Variants in THOC1 observed in about 807,000 individuals in gnomAD.
THOC1 encodes THO complex 1.
THOC1 carries 29 observed loss-of-function variants against 97.3 expected under a neutral mutation model. The ratio of observed to expected loss-of-function variants is 0.30; its 90% CI spans 0.22 to 0.41. The LOEUF is 0.41. Ranked by LOEUF, THOC1 falls within the 10% of genes least tolerant of loss-of-function variation. The probability of loss-of-function intolerance (pLI) is 1.00; values close to 1 mark genes in which losing one functional copy is unlikely to be tolerated. For missense variants in THOC1, 529 were observed against 761.9 expected, an observed-to-expected ratio of 0.69 and a Z score of 3.60; for synonymous variants, 255 against 257.0, an observed-to-expected ratio of 0.99 and a Z score of 0.07.
At chr18:228,339 T>C (rs549926893) in intron 11 of THOC1, among the ~76,000 whole-genome samples, 2 of 152,316 alleles carry the variant, frequency 1.3e-5, no homozygotes, top group Admixed American at 6.5e-5. Flanking sequence ...TTTAAGGCCC[T>C]TGACCCGTCT....
Position 259,148 on chromosome 18 carries a change from G to A in THOC1, c.520+32C>T, listed in dbSNP as rs3744970. 0.024 allele frequency: 35,363 copies of A among 1,500,100 alleles called. 3,703 individuals carry two copies. The East Asian group carries it at 0.36, about 15-fold the overall frequency. The allele number at this position is 1,500,100 out of a possible 1,614,324, so 92.9% of individuals were successfully genotyped here. On this transcript the variant is annotated intron_variant, in intron 7 of 20. Transcript: ENST00000261600. ...ATTAAAAACTGGAAAAGATTTTCCT[G>A]CAGAAAACTCATTTAATGCATAAAA...
intron 4 of THOC1, among the ~76,000 whole-genome samples, chr18:262,469 C>G (rs1221172492): frequency 6.6e-6 from 1 of 152,232 alleles, no homozygotes; most frequent in Non-Finnish European, 1.5e-5. Context: ...TATGCCTTTA[C>G]AGTTTAAGCT....
rs536930468 is a variant in THOC1 at position 258,207 on chromosome 18, C to T, written c.520+973G>A. On this transcript the variant is annotated intron_variant, in intron 7 of 20. Coordinates refer to ENST00000261600, the MANE Select transcript of THOC1 (RefSeq NM_005131.3). ...AGAAGACAAAGTAAAGATTATTTCC[C>T]GTGAGATGAAATCCTGTATCTAGTG... is the stretch of plus-strand genomic sequence containing the variant. 7.9e-5 allele frequency among the ~76,000 whole-genome samples: 12 copies of T among 151,578 alleles called. No individual in the cohort carries two copies. In the East Asian group the frequency reaches 1.2e-3, roughly 15 times the overall value.
Position 254,182 on chromosome 18 carries a change from G to T in THOC1, c.603+91C>A. 2.2e-6 allele frequency: 2 copies of T among 897,408 alleles called. No homozygotes were observed. The highest frequency in any genetic ancestry group is 1.4e-5 in the South Asian group (1 of 70,282). The allele number at this position is 897,408 out of a possible 1,614,324, so 55.6% of individuals were successfully genotyped here. Reference sequence around the variant, plus strand: ...CCACCTCAGCCTCCCAAAGTGCTAGGATTACAAGTGTGAGCCACTGTGCCT... The same window carrying T: ...CCACCTCAGCCTCCCAAAGTGCTAGTATTACAAGTGTGAGCCACTGTGCCT... On this transcript the variant is annotated intron_variant, in intron 8 of 20. Transcript: ENST00000261600. This position sits in a 1 kb window ranked among gnomAD's most constrained non-coding sequence, Gnocchi z 4.1.
intron 1 of THOC1, among the ~76,000 whole-genome samples, chr18:266,871 C>T (rs1912787124): frequency 6.6e-6 from 1 of 152,084 alleles, no homozygotes; most frequent in South Asian, 2.1e-4. Flanking sequence ...AACAGTTACT[C>T]TTAGCAGGCT....
chr18:263,566 T>C (rs1034216002), intron 4 of THOC1: 2 of 152,956 alleles, frequency 1.3e-5, no homozygotes, highest in African/African-American at 4.8e-5. Flanking sequence ...CTAAAACCTC[T>C]CCTGACTCCT....
intron 11 of THOC1, among the ~76,000 whole-genome samples, chr18:228,874 T>G (rs564744434): frequency 6.6e-6 from 1 of 152,332 alleles, no homozygotes; most frequent in South Asian, 2.1e-4. Context: ...TCAGCAATCT[T>G]TCTTTATTCT....
intron 7 of THOC1, among the ~76,000 whole-genome samples, chr18:258,840 A>T (rs1459298348): frequency 2.0e-5 from 3 of 152,176 alleles, no homozygotes; most frequent in Non-Finnish European, 2.9e-5. Flanking sequence ...AAGGAAGTCT[A>T]TATAGCTAAA....
rs930401918 is a variant in THOC1 at position 239,472 on chromosome 18, T to C, written c.918+6852A>G. 2.7e-4 allele frequency among the ~76,000 whole-genome samples: 41 copies of C among 152,186 alleles called. No individual in the cohort carries two copies. In the South Asian group the frequency reaches 7.7e-3, roughly 28 times the overall value. On this transcript the variant is annotated intron_variant, in intron 11 of 20. Transcript: ENST00000261600. ...GGCACCTGCCACCACGCCCGGCTAA[T>C]TTTTTGTATTTTTAGTACAGACAGA...
rs1218285106 is a variant in THOC1, at chr18:242,546, GATA to G, written c.918+3775_918+3777del. On this transcript the variant is annotated intron_variant, in intron 11 of 20. Coordinates refer to ENST00000261600, the MANE Select transcript of THOC1 (RefSeq NM_005131.3). The surrounding 1 kb of genome is among the most constrained non-coding windows in gnomAD (Gnocchi z 4.5). Reference sequence around the variant, plus strand: ...CATGTAACAAAACACAATGCTTCTGGATAATATTCCCATTGGATGGGGTCACGG... The same window carrying G: ...CATGTAACAAAACACAATGCTTCTGGATATTCCCATTGGATGGGGTCACGG... 1.3e-5 allele frequency among the ~76,000 whole-genome samples: 2 copies of G among 152,200 alleles called. No individual in the cohort carries two copies. The highest frequency in any genetic ancestry group is 4.8e-5 in the African/African-American group (2 of 41,436).
chr18:219,093 G>T lies in THOC1; in HGVS notation c.1371-124C>A, dbSNP rs1291772414. ...GAGCAGTACAAAAATAACCAGTGAGGATGGCATATACTCTTAATAATAAAT... is the reference window on the plus strand; with the variant it reads ...GAGCAGTACAAAAATAACCAGTGAGTATGGCATATACTCTTAATAATAAAT... On this transcript the variant is annotated intron_variant, in intron 17 of 20. Coordinates refer to ENST00000261600, the MANE Select transcript of THOC1 (RefSeq NM_005131.3). 1.2e-5 allele frequency: 3 copies of T among 252,512 alleles called. No homozygotes were observed. In the African/African-American group the frequency reaches 1.4e-4, roughly 12 times the overall value. The allele number at this position is 252,512 out of a possible 1,614,324, so 15.6% of individuals were successfully genotyped here. A position where few individuals can be genotyped will look rare whatever the true frequency, so the allele number is the denominator to read the frequency against.
intron 4 of THOC1, among the ~76,000 whole-genome samples, chr18:262,175 T>G (rs890455765): frequency 6.6e-6 from 1 of 152,252 alleles, no homozygotes; most frequent in African/African-American, 2.4e-5. Context: ...TCTGATATCC[T>G]GAAGCAGGCT....
intron 11 of THOC1, among the ~76,000 whole-genome samples, chr18:239,792 T>C (rs1006640810): frequency 6.6e-6 from 1 of 152,206 alleles, no homozygotes; most frequent in African/African-American, 2.4e-5. Context: ...TATCAAAGTA[T>C]ACTGAAAACT....
At position 221,823 on chromosome 18, in the gene THOC1, T is replaced by C. The variant is rs910409692; in HGVS notation, c.1370+1617A>G. ...CGGGGTTTCACCGTGTTAGCCACGATGGTCTCTATCTCCTGACCTCATGAT... is the reference window on the plus strand; with the variant it reads ...CGGGGTTTCACCGTGTTAGCCACGACGGTCTCTATCTCCTGACCTCATGAT... On this transcript the variant is annotated intron_variant, in intron 17 of 20. Coordinates refer to ENST00000261600, the MANE Select transcript of THOC1 (RefSeq NM_005131.3). Among the ~76,000 whole-genome samples, 3 of 152,176 alleles carry C rather than the reference T, an allele frequency of 2.0e-5. No homozygotes were observed. In the East Asian group the frequency reaches 5.8e-4, roughly 29 times the overall value.
At chr18:218,849 A>G (rs755281775) in intron 18 of THOC1, 37 bp downstream of exon 18, 1 of 1,520,384 alleles carries the variant, frequency 6.6e-7, no homozygotes. Flanking sequence ...AAACAAATTG[A>G]AGAAAATTAA....
chr18:223,339 C>T, intron 17 of THOC1, 101 bp downstream of exon 17: 1 of 945,464 alleles, frequency 1.1e-6, no homozygotes, highest in Non-Finnish European at 1.5e-6. Context: ...CCACAATAAA[C>T]TTTTAAATTT....
chr18:219,020 AATACTC>A (rs1910991801), intron 17 of THOC1, 51 bp from the exon 18 acceptor site: 1 of 649,330 alleles, frequency 1.5e-6, no homozygotes. Flanking sequence ...CTTAATAATA[AATACTC>A]ATGAAGTGGT....
intron 7 of THOC1, among the ~76,000 whole-genome samples, chr18:257,379 G>T (rs1001375866): frequency 6.6e-6 from 1 of 152,152 alleles, no homozygotes; most frequent in African/African-American, 2.4e-5. Flanking sequence ...TATAGTTAAT[G>T]AGAGCCAAGT....
intron 11 of THOC1, 25 bp downstream of exon 11, chr18:246,299 C>T (rs1912084910): frequency 1.4e-6 from 2 of 1,473,132 alleles, no homozygotes; most frequent in Admixed American, 2.1e-5. Context: ...TCTTATTATG[C>T]TTAATGAAAA....
Sources: allele counts gnomAD v4.1 joint callset (sites outside exome capture counted in the v4.1 genomes callset), GRCh38; gene constraint gnomAD v4.1.1; non-coding constraint Gnocchi (gnomAD v3.1); transcripts MANE v1.5; gene names NCBI Gene and HGNC (gene_info 2026-07-23, HGNC 2026-07-21).